PHYKPL: variants seen among roughly 807,000 people sequenced by gnomAD.
PHYKPL encodes the protein 5-phosphohydroxy-L-lysine phospho-lyase.
Under a neutral mutation model 51.3 loss-of-function variants are expected in PHYKPL, and 42 were observed. The observed-to-expected ratio is 0.82, with a 90% CI of 0.64 to 1.06. The LOEUF (loss-of-function observed/expected upper bound fraction) is 1.06. Among genes scored for constraint, PHYKPL ranks in the 50% least tolerant of loss-of-function variants. The pLI is 0.00. For synonymous variants in PHYKPL, 264 were observed against 236.0 expected, an observed-to-expected ratio of 1.12 and a Z score of -1.09; for missense variants, 655 against 586.6, an observed-to-expected ratio of 1.12 and a Z score of -1.20.
Position 178,215,369 on chromosome 5 carries a change from T to G in PHYKPL, c.989A>C (p.Glu330Ala). Residue 330 changes from glutamate to alanine, a missense_variant, in exon 9 of 13, where the codon GAG becomes GCG. Glu to Ala is a moderately radical substitution (Grantham distance 107, BLOSUM62 -1). Coordinates refer to ENST00000308158, the MANE Select transcript of PHYKPL (RefSeq NM_153373.4). ...ACTGGTGGCATGATCCTGGAGCTGC[T>G]CCTTCTCCAAGACATTCAGGACGGC... ...GLAVLNVLEKEQLQDHATSVG... is the reference protein window; with the variant it reads ...GLAVLNVLEKAQLQDHATSVG... The G allele has an allele frequency of 6.2e-7, 1 of 1,613,970 alleles. No individual in the cohort carries two copies. The highest frequency in any genetic ancestry group is 8.5e-7 in the Non-Finnish European group (1 of 1,179,954).
chr5:178,210,356 G>A (rs1396065053), intron 12 of PHYKPL: 13 of 1,599,876 alleles, frequency 8.1e-6, no homozygotes, highest in Non-Finnish European at 1.0e-5. Context: ...TGGCAGCAGG[G>A]GCTTTGGAGT....
In PHYKPL at chr5:178,224,536, G is replaced by A. The variant is rs1363242720; in HGVS notation, c.530C>T (p.Pro177Leu). The A allele has an allele frequency of 6.2e-6, 10 of 1,614,026 alleles. No individual in the cohort carries two copies. Among genetic ancestry groups the A allele is most frequent in the African/African-American group, 1.3e-5 (1 of 74,942 alleles). ...VAPLPDTYRG[P>L]YREDHPNPAM... is the part of the protein sequence containing the mutation. Reference sequence around the variant, plus strand: ...TGGGTTGGGGTGGTCCTCCCGGTAGGGGCCCCGGTAGGTGTCTGGGAGAGG... The same window carrying A: ...TGGGTTGGGGTGGTCCTCCCGGTAGAGGCCCCGGTAGGTGTCTGGGAGAGG... Residue 177 changes from proline to leucine, a missense_variant, in exon 6 of 13, where the codon CCC becomes CTC. Pro to Leu is a moderately conservative substitution (Grantham distance 98). Coordinates refer to ENST00000308158, the MANE Select transcript of PHYKPL (RefSeq NM_153373.4).
intron 12 of PHYKPL, chr5:178,210,751 T>C (rs1758032474): frequency 8.1e-6 from 6 of 736,990 alleles, no homozygotes; most frequent in Admixed American, 4.2e-5. Context: ...TATTTAAAAT[T>C]TCCCCCATGG....
intron 6 of PHYKPL, 144 bp downstream of exon 6, chr5:178,224,304 G>T: frequency 2.2e-6 from 2 of 907,410 alleles, no homozygotes; most frequent in Non-Finnish European, 1.6e-6. Context: ...TCTCTGCTGA[G>T]CCCAAACTGC....
At chr5:178,223,876 G>A (rs1561722896) in intron 6 of PHYKPL, 1 of 198,800 alleles carries the variant, frequency 5.0e-6, no homozygotes, top group Non-Finnish European at 1.0e-5. Flanking sequence ...CAGCTCACTT[G>A]GGGCCTGCTG....
chr5:178,228,383 G>GT lies in PHYKPL; in HGVS notation c.338+1556dup, dbSNP rs1762699535. Reference sequence around the variant, plus strand: ...AACTGTCAATTACTGCTGGGACAGAGTAAGACAATGCAGCAAAGAGATTGC... The same window carrying GT: ...AACTGTCAATTACTGCTGGGACAGAGTTAAGACAATGCAGCAAAGAGATTGC... On this transcript the variant is annotated intron_variant, in intron 3 of 12. Coordinates refer to ENST00000308158, the MANE Select transcript of PHYKPL (RefSeq NM_153373.4). 8 of 619,400 alleles carry GT rather than the reference G, an allele frequency of 1.3e-5. No individual in the cohort carries two copies. In the Admixed American group the frequency reaches 2.1e-4, roughly 17 times the overall value. The allele number at this position is 619,400 out of a possible 1,614,324, so 38.4% of individuals were successfully genotyped here. A position where few individuals can be genotyped will look rare whatever the true frequency, so the allele number is the denominator to read the frequency against.
rs751994075 is a variant in PHYKPL at position 178,222,904 on chromosome 5, T to G, written c.649A>C (p.Ser217Arg). The part of the protein sequence containing the change: ...IAAFFAESLP[S>R]VGGQIIPPAG... ...GGGGGAATGATCTGCCCTCCCACAC[T>G]GGGCAGAGACTCAGCGAAGAAGGCT... Residue 217 changes from serine (S) to arginine (R), a missense_variant, in exon 7 of 13, where the codon AGT (serine) becomes CGT (arginine). Ser to Arg is a moderately radical substitution (Grantham distance 110). Coordinates refer to ENST00000308158, the MANE Select transcript of PHYKPL (RefSeq NM_153373.4). 6.2e-7 allele frequency: 1 copy of G among 1,614,120 alleles called. No homozygotes were observed. Among genetic ancestry groups the G allele is most frequent in the South Asian group, 1.1e-5 (1 of 91,072 alleles).
chr5:178,223,919 G>A (rs549110372), intron 6 of PHYKPL: 2 of 188,862 alleles, frequency 1.1e-5, no homozygotes, highest in East Asian at 1.6e-4. Flanking sequence ...TCAAGCCGCC[G>A]CATTCCAATC....
intron 3 of PHYKPL, among the ~76,000 whole-genome samples, chr5:178,226,928 T>C (rs963027640): frequency 1.3e-5 from 2 of 152,046 alleles, no homozygotes; most frequent in Non-Finnish European, 2.9e-5. Flanking sequence ...TTTATATATA[T>C]ATGTGTGTAT....
Position 178,208,720 on chromosome 5 carries a change from A to T in PHYKPL, c.*227T>A, listed in dbSNP as rs1757263429. On this transcript the variant is annotated 3_prime_UTR_variant, in exon 13 of 13. Transcript: ENST00000308158. The stretch of plus-strand genomic sequence containing the variant: ...CCCCATTCCACCCCCAGTGGACAGA[A>T]AGGAAATTGACTGACTTGAGGGGAT... 1 of 152,426 alleles carries T rather than the reference A, an allele frequency of 6.6e-6. No homozygotes were observed. The highest frequency in any genetic ancestry group is 6.5e-5 in the Admixed American group (1 of 15,294). The allele number at this position is 152,426 out of a possible 1,614,324, so 9.4% of individuals were successfully genotyped here. A position where few individuals can be genotyped will look rare whatever the true frequency, so the allele number is the denominator to read the frequency against.
downstream of PHYKPL, among the ~76,000 whole-genome samples, chr5:178,207,691 C>CTTTTTTTTTTT (rs34424574): frequency 3.8e-5 from 3 of 78,754 alleles, no homozygotes; most frequent in Non-Finnish European, 6.8e-5. Flanking sequence ...ACTTTGAGCA[C>CTTTTTTTTTTT]TTTTTTTTTT....
At position 178,224,543 on chromosome 5, in the gene PHYKPL, G is replaced by A. The variant is rs374822970; in HGVS notation, c.523C>T (p.Arg175Trp). 25 of 1,614,102 alleles carry A rather than the reference G, an allele frequency of 1.5e-5. No homozygotes were observed. Among genetic ancestry groups the A allele is most frequent in the African/African-American group, 5.3e-5 (4 of 74,948 alleles). Residue 175 changes from arginine to tryptophan, a missense_variant, in exon 6 of 13, where the codon CGG becomes TGG. By Grantham distance (101) the Arg-to-Trp change is moderately radical. Coordinates refer to ENST00000308158, the MANE Select transcript of PHYKPL (RefSeq NM_153373.4). ...VHVAPLPDTY[R>W]GPYREDHPNP... is the part of the protein sequence containing the mutation. Reference sequence around the variant, plus strand: ...GGGTGGTCCTCCCGGTAGGGGCCCCGGTAGGTGTCTGGGAGAGGTGCCTGT... The same window carrying A: ...GGGTGGTCCTCCCGGTAGGGGCCCCAGTAGGTGTCTGGGAGAGGTGCCTGT...
intron 2 of PHYKPL, 32 bp downstream of exon 2, chr5:178,231,373 C>A (rs1374784935): frequency 6.2e-7 from 1 of 1,614,072 alleles, no homozygotes. Context: ...GCCTTCCTCT[C>A]CTGCCCTGCC....
intron 3 of PHYKPL, 197 bp from the exon 4 acceptor site, chr5:178,225,626 G>C: frequency 1.7e-6 from 1 of 596,626 alleles, no homozygotes; most frequent in Middle Eastern, 3.5e-4. Flanking sequence ...AGGTAAAACA[G>C]ACATGGCCTT....
rs771494933 is a variant in PHYKPL at position 178,224,696 on chromosome 5, G to A, written c.447C>T (p.Asp149=). ...GGTTGCGGAACTTGTAGGGACTGATGTCAATCAGGGAGCTCAGGTGGCCGT... is the reference window on the plus strand; with the variant it reads ...GGTTGCGGAACTTGTAGGGACTGATATCAATCAGGGAGCTCAGGTGGCCGT... ...AYHGHLSSLI[D]ISPYKFRNLD... The change falls in exon 5 of 13, where the codon GAC becomes GAT. Residue 149 remains aspartate, a synonymous_variant. Transcript: ENST00000308158. 4.3e-5 allele frequency: 70 copies of A among 1,614,076 alleles called. No homozygotes were observed. Among genetic ancestry groups the A allele is most frequent in the Non-Finnish European group, 5.8e-5 (68 of 1,180,026 alleles).
At chr5:178,219,348 A>G (rs1439227623) in intron 8 of PHYKPL, among the ~76,000 whole-genome samples, 1 of 152,118 alleles carries the variant, frequency 6.6e-6, no homozygotes, top group Non-Finnish European at 1.5e-5. Context: ...ACACACACAG[A>G]CACACACACA....
At chr5:178,231,886 G>A (rs990020089) in intron 1 of PHYKPL, 21 of 1,315,224 alleles carry the variant, frequency 1.6e-5, no homozygotes, top group Admixed American at 4.6e-5. Flanking sequence ...GATGGGCCAG[G>A]GCACCAACAT....
chr5:178,210,768 C>G, intron 12 of PHYKPL: 1 of 684,520 alleles, frequency 1.5e-6, no homozygotes, highest in Non-Finnish European at 2.6e-6. Flanking sequence ...ATGGAAATCA[C>G]TCTCCTGTTG....
intron 8 of PHYKPL, among the ~76,000 whole-genome samples, chr5:178,220,050 C>G (rs1055766645): frequency 6.6e-6 from 1 of 151,448 alleles, no homozygotes; most frequent in Non-Finnish European, 1.5e-5. Context: ...AAAAAATTAG[C>G]TGGGCATGGT....
Sources: allele counts gnomAD v4.1 joint callset (sites outside exome capture counted in the v4.1 genomes callset), GRCh38; gene constraint gnomAD v4.1.1; transcripts MANE v1.5; gene names NCBI Gene and HGNC (gene_info 2026-07-23, HGNC 2026-07-21).